ENAH: variants seen among roughly 807,000 people sequenced by gnomAD.
ENAH encodes the protein protein enabled homolog.
ENAH carries 23 observed loss-of-function variants against 78.7 expected under a neutral mutation model. The observed-to-expected ratio is 0.29, with a 90% confidence interval of 0.21 to 0.41. ENAH has a LOEUF of 0.41. Ranked by LOEUF, ENAH falls within the 10% of genes least tolerant of loss-of-function variation. The probability of loss-of-function intolerance (pLI) is 1.00; values close to 1 mark genes in which losing one functional copy is unlikely to be tolerated. For synonymous variants in ENAH, 226 were observed against 241.0 expected, an observed-to-expected ratio of 0.94 and a Z score of 0.58; for missense variants, 544 against 691.0, an observed-to-expected ratio of 0.79 and a Z score of 2.39.
chr1:225,585,134 T>G, intron 1 of ENAH, among the ~76,000 whole-genome samples: 1 of 142,910 alleles, frequency 7.0e-6, no homozygotes, highest in African/African-American at 2.7e-5. Flanking sequence ...GAGAATCGCT[T>G]GAGCCTGAGA....
intron 3 of ENAH, among the ~76,000 whole-genome samples, chr1:225,540,656 T>C (rs2151322225): frequency 6.6e-6 from 1 of 151,794 alleles, no homozygotes; most frequent in South Asian, 2.1e-4. Flanking sequence ...TGCTACACAG[T>C]TCTCCTTTAC....
intron 7 of ENAH, 152 bp downstream of exon 7, chr1:225,514,444 G>A (rs921578822): frequency 6.8e-6 from 5 of 731,562 alleles, no homozygotes; most frequent in Non-Finnish European, 1.2e-5. Flanking sequence ...GGATTATACA[G>A]GTATGAGCCA....
chr1:225,647,180 C>T (rs1323970730), intron 1 of ENAH, among the ~76,000 whole-genome samples: 1 of 152,088 alleles, frequency 6.6e-6, no homozygotes, highest in Non-Finnish European at 1.5e-5. Flanking sequence ...GAGTGGAGAT[C>T]ATGCCACTGC....
chr1:225,536,099 A>G (rs1263112276), intron 3 of ENAH, among the ~76,000 whole-genome samples: 2 of 152,164 alleles, frequency 1.3e-5, no homozygotes, highest in Non-Finnish European at 1.5e-5. Context: ...CAAAATAAGA[A>G]TATCTTTGGT....
intron 11 of ENAH, among the ~76,000 whole-genome samples, chr1:225,507,547 T>C (rs2096342479): frequency 6.6e-6 from 1 of 152,150 alleles, no homozygotes; most frequent in Admixed American, 6.5e-5. Context: ...GCTTTCAAAC[T>C]AATCAGAGGG....
intron 3 of ENAH, among the ~76,000 whole-genome samples, chr1:225,532,722 TA>T (rs1055090749): frequency 1.3e-5 from 2 of 152,136 alleles, no homozygotes; most frequent in African/African-American, 4.8e-5. Context: ...TGCTTTGGAA[TA>T]TTTTTTTAAA....
chr1:225,539,703 T>C (rs1046372784), intron 3 of ENAH, among the ~76,000 whole-genome samples: 1 of 152,340 alleles, frequency 6.6e-6, no homozygotes, highest in Non-Finnish European at 1.5e-5. Flanking sequence ...ATTCCTACTC[T>C]ATTGCTCTCT....
At chr1:225,516,641 G>C (rs145057797) in intron 6 of ENAH, among the ~76,000 whole-genome samples, 1 of 152,070 alleles carries the variant, frequency 6.6e-6, no homozygotes, top group Non-Finnish European at 1.5e-5. Flanking sequence ...TTGGGAGGCC[G>C]AAGGGGCAGA....
At chr1:225,559,844 C>T (rs1308355635) in intron 2 of ENAH, among the ~76,000 whole-genome samples, 1 of 152,160 alleles carries the variant, frequency 6.6e-6, no homozygotes, top group African/African-American at 2.4e-5. Flanking sequence ...CAACTCACGC[C>T]TTCTACACTG....
intron 1 of ENAH, among the ~76,000 whole-genome samples, chr1:225,583,633 C>T (rs1398090584): frequency 6.7e-6 from 1 of 150,312 alleles, no homozygotes; most frequent in Admixed American, 6.6e-5. Flanking sequence ...ATGGTGAAAC[C>T]CTGTCTCTAC....
chr1:225,493,890 C>T lies in ENAH; in HGVS notation c.*3885G>A, dbSNP rs1313860001. ...TTAGAATTAAAAGGCCAATTCTTCA[C>T]AATGGCACTGAAAGTATATATAAAT... On this transcript the variant is annotated 3_prime_UTR_variant, in exon 14 of 14. Coordinates refer to ENST00000366843, the MANE Select transcript of ENAH (RefSeq NM_018212.6). 1 of 151,956 alleles carries T rather than the reference C, an allele frequency of 6.6e-6. No individual in the cohort carries two copies. The highest frequency in any genetic ancestry group is 1.5e-5 in the Non-Finnish European group (1 of 67,952). 9.4% of individuals were successfully genotyped at this position (151,956 alleles called of 1,614,324 possible).
chr1:225,560,232 T>C (rs1479628891), intron 2 of ENAH, among the ~76,000 whole-genome samples: 10 of 151,902 alleles, frequency 6.6e-5, no homozygotes, highest in Non-Finnish European at 4.4e-5. Context: ...AGGTAGCTCA[T>C]GGTAATTCCA....
chr1:225,593,098 C>A (rs2096884804), intron 1 of ENAH, among the ~76,000 whole-genome samples: 1 of 152,040 alleles, frequency 6.6e-6, no homozygotes, highest in South Asian at 2.1e-4. Context: ...ATAGCTATAA[C>A]TATCATATAA....
chr1:225,510,134 T>C (rs1011863231), intron 10 of ENAH, among the ~76,000 whole-genome samples: 1 of 152,212 alleles, frequency 6.6e-6, no homozygotes, highest in Non-Finnish European at 1.5e-5. Context: ...TGACACAATG[T>C]CAGTTTAAAA....
chr1:225,522,267 T>C (rs2096475508), intron 4 of ENAH, among the ~76,000 whole-genome samples: 1 of 152,182 alleles, frequency 6.6e-6, no homozygotes. Context: ...CTCTCCTTCA[T>C]GTTTCCTAAG....
At chr1:225,542,619 A>G (rs546493078) in intron 3 of ENAH, among the ~76,000 whole-genome samples, 23 of 152,392 alleles carry the variant, frequency 1.5e-4, no homozygotes, top group Non-Finnish European at 3.1e-4. Context: ...AAAATTGTCC[A>G]CATTTACTTT....
At chr1:225,564,584 C>G (rs1345785189) in intron 2 of ENAH, among the ~76,000 whole-genome samples, 1 of 151,726 alleles carries the variant, frequency 6.6e-6, no homozygotes, top group African/African-American at 2.4e-5. Context: ...CAAGCACCAC[C>G]ACGCCTGGCC....
intron 2 of ENAH, among the ~76,000 whole-genome samples, chr1:225,561,893 A>G (rs547916444): frequency 1.3e-5 from 2 of 152,216 alleles, no homozygotes; most frequent in African/African-American, 2.4e-5. Context: ...TATCCTGTCT[A>G]TGAGGTCATA....
At chr1:225,522,040 C>T (rs1221089595) in intron 4 of ENAH, among the ~76,000 whole-genome samples, 9 of 152,148 alleles carry the variant, frequency 5.9e-5, no homozygotes, top group East Asian at 1.9e-4. Context: ...CATGATCCAC[C>T]CGCCTTGGCC....
Sources: allele counts gnomAD v4.1 joint callset (sites outside exome capture counted in the v4.1 genomes callset), GRCh38; gene constraint gnomAD v4.1.1; transcripts MANE v1.5; gene names NCBI Gene and HGNC (gene_info 2026-07-23, HGNC 2026-07-21).